The following SLC25A26 variants were observed in gnomAD, a reference collection of about 807,000 sequenced individuals.
The protein encoded by SLC25A26 is mitochondrial S-adenosylmethionine carrier protein.
In SLC25A26, 36 loss-of-function variants were observed where a neutral mutation model predicts 37.8. The observed-to-expected ratio is 0.95, with a 90% CI of 0.73 to 1.26. The LOEUF is 1.26. SLC25A26 is among the 50% of genes most tolerant of loss of function. SLC25A26 has a pLI of 0.00. For missense variants in SLC25A26, 390 were observed against 331.1 expected (o/e 1.18, Z -1.38); for synonymous variants, 129 against 122.5 (o/e 1.05, Z -0.35).
intron 1 of SLC25A26, among the ~76,000 whole-genome samples, chr3:66,150,524 G>GATATATAT (rs57194947): frequency 1.4e-4 from 15 of 103,642 alleles, no homozygotes; most frequent in African/African-American, 1.9e-4. Flanking sequence ...TATATATAAT[G>GATATATAT]ATATATATAT....
intron 1 of SLC25A26, among the ~76,000 whole-genome samples, chr3:66,226,035 T>C (rs1263444697): frequency 1.3e-5 from 2 of 152,176 alleles, no homozygotes; most frequent in Non-Finnish European, 2.9e-5. Flanking sequence ...TTGTTACCCA[T>C]TCTGAAGTCG....
chr3:66,233,749 G>A (rs1017460860), intron 1 of SLC25A26, among the ~76,000 whole-genome samples: 1 of 151,994 alleles, frequency 6.6e-6, no homozygotes, highest in Non-Finnish European at 1.5e-5. Flanking sequence ...TTATATAGAA[G>A]TTTGAAATCG....
At chr3:66,301,468 C>G (rs942013263) in intron 5 of SLC25A26, among the ~76,000 whole-genome samples, 11 of 152,120 alleles carry the variant, frequency 7.2e-5, no homozygotes, top group Admixed American at 1.3e-4. Flanking sequence ...ACTTCCATGC[C>G]GGAGAGTGTG....
At chr3:66,370,250 TTCTG>T (rs1311583932) in intron 8 of SLC25A26, among the ~76,000 whole-genome samples, 11 of 152,268 alleles carry the variant, frequency 7.2e-5, no homozygotes, top group East Asian at 3.8e-4. Context: ...TTCATAGTGC[TTCTG>T]TCTTTCTGCT....
chr3:66,363,054 G>A (rs957000741), intron 7 of SLC25A26, 125 bp downstream of exon 7: 40 of 405,360 alleles, frequency 9.9e-5, no homozygotes, highest in Admixed American at 1.8e-4. Flanking sequence ...TCCACTAGTT[G>A]TTTGAGAAAA....
At chr3:66,196,755 C>T (rs2071049597) in intron 1 of SLC25A26, among the ~76,000 whole-genome samples, 1 of 151,978 alleles carries the variant, frequency 6.6e-6, no homozygotes, top group African/African-American at 2.4e-5. Flanking sequence ...AATTCTTATA[C>T]CCTATATAAT....
chr3:66,350,647 C>T (rs1299123754), intron 6 of SLC25A26, among the ~76,000 whole-genome samples: 1 of 152,086 alleles, frequency 6.6e-6, no homozygotes, highest in African/African-American at 2.4e-5. Flanking sequence ...TCAAGTTTCT[C>T]AACACCCTGT....
At chr3:66,321,781 G>A (rs536313765) in intron 5 of SLC25A26, among the ~76,000 whole-genome samples, 2 of 150,550 alleles carry the variant, frequency 1.3e-5, no homozygotes, top group Non-Finnish European at 2.9e-5. Flanking sequence ...TTTGAGAGTG[G>A]TGTATGCTAG....
At chr3:66,373,169 T>C (rs1024406244) in intron 9 of SLC25A26, among the ~76,000 whole-genome samples, 2 of 152,344 alleles carry the variant, frequency 1.3e-5, no homozygotes, top group Non-Finnish European at 2.9e-5. Flanking sequence ...CTTTCTGTTT[T>C]TGTTGACTGT....
At chr3:66,363,322 G>A (rs2076754998) in intron 7 of SLC25A26, among the ~76,000 whole-genome samples, 1 of 152,112 alleles carries the variant, frequency 6.6e-6, no homozygotes, top group Non-Finnish European at 1.5e-5. Context: ...AGAAGGCCAT[G>A]ATTCACGGTT....
At chr3:66,141,194 G>A (rs1217710256) in intron 1 of SLC25A26, among the ~76,000 whole-genome samples, 2 of 150,276 alleles carry the variant, frequency 1.3e-5, no homozygotes, top group Non-Finnish European at 3.0e-5. Flanking sequence ...GGGAAACAGG[G>A]TGAAGGGCAC....
At chr3:66,311,875 G>C (rs926301943) in intron 5 of SLC25A26, among the ~76,000 whole-genome samples, 1 of 152,154 alleles carries the variant, frequency 6.6e-6, no homozygotes, top group African/African-American at 2.4e-5. Flanking sequence ...CTTTGTCCCA[G>C]AGGGGCACAT....
In SLC25A26 at chr3:66,377,750, G is replaced by T; in HGVS notation, c.768G>T (p.Leu256=). ...TCAGTCTGGGAGGTTTCATCTTTCTGGGGGCTTATGACCGAACGCACAGCT... is the reference window on the plus strand; with the variant it reads ...TCAGTCTGGGAGGTTTCATCTTTCTTGGGGCTTATGACCGAACGCACAGCT... ...AAISLGGFIF[L]GAYDRTHSLL... Residue 256 remains leucine (L), a synonymous_variant, in exon 10 of 10, where the codon CTG becomes CTT. Transcript: ENST00000354883. 6.2e-7 allele frequency: 1 copy of T among 1,613,882 alleles called. No homozygotes were observed. The highest frequency in any genetic ancestry group is 1.1e-5 in the South Asian group (1 of 91,072).
At chr3:66,319,744 C>CTTTTTTTTT (rs71105981) in intron 5 of SLC25A26, among the ~76,000 whole-genome samples, 1 of 92,110 alleles carries the variant, frequency 1.1e-5, no homozygotes, top group Non-Finnish European at 2.0e-5. Flanking sequence ...GCAATTAAAT[C>CTTTTTTTTT]TTTTTTTTTT....
intron 1 of SLC25A26, among the ~76,000 whole-genome samples, chr3:66,208,933 C>CAT (rs1352532121): frequency 2.3e-5 from 2 of 88,388 alleles, no homozygotes; most frequent in Non-Finnish European, 4.1e-5. Context: ...TATACATACA[C>CAT]ATATATATAC....
intron 5 of SLC25A26, among the ~76,000 whole-genome samples, chr3:66,297,139 A>G (rs752640354): frequency 7.2e-5 from 11 of 152,172 alleles, no homozygotes; most frequent in African/African-American, 2.7e-4. Flanking sequence ...AGCCAGGCCA[A>G]CATGATGAAA....
chr3:66,209,040 G>GTATGTGTA (rs1325838750), intron 1 of SLC25A26, among the ~76,000 whole-genome samples: 24 of 33,484 alleles, frequency 7.2e-4, no homozygotes, highest in Non-Finnish European at 1.4e-3. Context: ...ATATAAAGGT[G>GTATGTGTA]TATATATATA....
intron 1 of SLC25A26, among the ~76,000 whole-genome samples, chr3:66,181,727 C>T (rs2070709481): frequency 6.6e-6 from 1 of 150,664 alleles, no homozygotes; most frequent in African/African-American, 2.4e-5. Context: ...GTGCTTTCCT[C>T]ACTAAATTTG....
chr3:66,276,116 A>G lies in SLC25A26; in HGVS notation c.453+12737A>G, dbSNP rs189797616. 3.3e-5 allele frequency among the ~76,000 whole-genome samples: 5 copies of G among 152,302 alleles called. No homozygotes were observed. The South Asian group carries it at 8.3e-4, about 25-fold the overall frequency. On this transcript the variant is annotated intron_variant, in intron 5 of 9. Coordinates refer to ENST00000354883, the MANE Select transcript of SLC25A26 (RefSeq NM_001379210.1). ...TCTGTGGGTTCGACTACCTGGCTACAGATTACTTTGGGATCACATAATGAA... is the reference window on the plus strand; with the variant it reads ...TCTGTGGGTTCGACTACCTGGCTACGGATTACTTTGGGATCACATAATGAA...
Sources: allele counts gnomAD v4.1 joint callset (sites outside exome capture counted in the v4.1 genomes callset), GRCh38; gene constraint gnomAD v4.1.1; transcripts MANE v1.5; gene names NCBI Gene and HGNC (gene_info 2026-07-23, HGNC 2026-07-21).